Variants in SAMD4A observed in about 807,000 individuals in gnomAD.
The protein encoded by SAMD4A is sterile alpha motif domain containing 4A, also known as protein Smaug homolog 1.
SAMD4A carries 33 observed loss-of-function variants against 81.3 expected under a neutral mutation model. That is an observed-to-expected ratio of 0.41 (90% CI 0.31 to 0.54). SAMD4A has a LOEUF of 0.54. Ranked by LOEUF, SAMD4A falls within the 20% of genes least tolerant of loss-of-function variation. The pLI is 0.37. For missense variants in SAMD4A, 854 were observed against 951.1 expected (o/e 0.90, Z 1.34); for synonymous variants, 389 against 382.1 (o/e 1.02, Z -0.21).
rs11406251 is a variant in SAMD4A at position 54,669,445 on chromosome 14, C to CTTTTTTTT, written c.197-32602_197-32595dup. On this transcript the variant is annotated intron_variant, in intron 2 of 12. Transcript: ENST00000554335. ...TTATTTTTAGAAGCAACGCTTCTTT[C>CTTTTTTTT]TTTTTTTTTTTTTTTTTTTTTTAGA... 8.1e-4 allele frequency among the ~76,000 whole-genome samples: 84 copies of CTTTTTTTT among 103,094 alleles called. 6 individuals carry two copies. The highest frequency in any genetic ancestry group is 1.1e-3 in the East Asian group (4 of 3,514). 67.6% of individuals were successfully genotyped at this position (103,094 alleles called of 152,430 possible).
At chr14:54,644,468 A>G (rs946114214) in intron 2 of SAMD4A, among the ~76,000 whole-genome samples, 1 of 152,208 alleles carries the variant, frequency 6.6e-6, no homozygotes, top group Non-Finnish European at 1.5e-5. Flanking sequence ...CACCTTCACA[A>G]CACTAGTAAG....
Position 54,775,126 on chromosome 14 carries a change from A to C in SAMD4A, c.1908A>C (p.Gln636His), listed in dbSNP as rs753002793. ...NTTATPTIMK[Q>H]GRQNLWFANP... ...CAGCTACCCCCACCATCATGAAACA[A>C]GGAAGACAGGTTTGTTCTGCCCCAA... Residue 636 changes from glutamine to histidine, a missense_variant, in exon 10 of 13, where the codon CAA (glutamine) becomes CAC (histidine). Gln to His is a conservative substitution (Grantham distance 24). This residue lies in a region of SAMD4A where 428 missense variants were observed against 471.2 expected (regional missense o/e 0.91). Coordinates refer to ENST00000554335, the MANE Select transcript of SAMD4A (RefSeq NM_015589.6). 2 of 1,614,218 alleles carry C rather than the reference A, an allele frequency of 1.2e-6. No homozygotes were observed. The highest frequency in any genetic ancestry group is 1.7e-6 in the Non-Finnish European group (2 of 1,180,028).
chr14:54,703,385 T>C (rs4898847), intron 3 of SAMD4A: 129,478 of 152,254 alleles, frequency 0.85, 56,090 homozygotes, highest in East Asian at 0.98. Context: ...AAACACACCA[T>C]TGGTGTCTGT....
intron 3 of SAMD4A, among the ~76,000 whole-genome samples, chr14:54,734,547 G>T (rs1012978214): frequency 6.6e-6 from 1 of 152,208 alleles, no homozygotes; most frequent in African/African-American, 2.4e-5. Flanking sequence ...GCTCAGAAAA[G>T]TATGAAGAAA....
chr14:54,708,588 C>T (rs1201468805), intron 3 of SAMD4A, among the ~76,000 whole-genome samples: 1 of 152,122 alleles, frequency 6.6e-6, no homozygotes, highest in Non-Finnish European at 1.5e-5. Context: ...GCCTGGGCAC[C>T]TCAACCTGAA....
At chr14:54,709,278 A>AAAAC (rs200245981) in intron 3 of SAMD4A, among the ~76,000 whole-genome samples, 6 of 148,706 alleles carry the variant, frequency 4.0e-5, no homozygotes, top group East Asian at 1.9e-4. Flanking sequence ...CTCTGTCTCA[A>AAAAC]AAACAAACAA....
chr14:54,574,527 G>GGGTAGA (rs1282307879), intron 2 of SAMD4A, among the ~76,000 whole-genome samples: 1 of 152,172 alleles, frequency 6.6e-6, no homozygotes, highest in Non-Finnish European at 1.5e-5. Flanking sequence ...GGTAGAGAGA[G>GGGTAGA]GAGAGCATGA....
chr14:54,663,645 C>A (rs1246123019), intron 2 of SAMD4A, among the ~76,000 whole-genome samples: 1 of 152,170 alleles, frequency 6.6e-6, no homozygotes, highest in Non-Finnish European at 1.5e-5. Flanking sequence ...CTCTTCCAAT[C>A]CCTAGAAAGG....
intron 2 of SAMD4A, among the ~76,000 whole-genome samples, chr14:54,657,995 G>T (rs2035560552): frequency 6.6e-6 from 1 of 152,194 alleles, no homozygotes; most frequent in Non-Finnish European, 1.5e-5. Context: ...ACTCCACGAA[G>T]TAGATGTTAG....
At chr14:54,742,669 A>C (rs1004814479) in intron 4 of SAMD4A, among the ~76,000 whole-genome samples, 1 of 152,158 alleles carries the variant, frequency 6.6e-6, no homozygotes, top group Admixed American at 6.5e-5. Flanking sequence ...TCTTGCTGCG[A>C]GCTTCAGCCT....
At chr14:54,710,990 C>T (rs1040340332) in intron 3 of SAMD4A, among the ~76,000 whole-genome samples, 11 of 152,138 alleles carry the variant, frequency 7.2e-5, no homozygotes, top group African/African-American at 2.7e-4. Flanking sequence ...CAGATGTGGC[C>T]TCTGAATCAT....
chr14:54,613,622 G>A (rs564270712), intron 2 of SAMD4A, among the ~76,000 whole-genome samples: 51 of 152,314 alleles, frequency 3.3e-4, no homozygotes, highest in African/African-American at 1.1e-3. Context: ...AGGACGTGAA[G>A]TTAGAAGATG....
intron 2 of SAMD4A, among the ~76,000 whole-genome samples, chr14:54,663,456 C>T (rs1046698656): frequency 2.4e-4 from 37 of 152,184 alleles, no homozygotes; most frequent in African/African-American, 8.7e-4. Context: ...TAAGACACAA[C>T]GTGAACCTTC....
chr14:54,726,333 G>T (rs1451220348), intron 3 of SAMD4A, among the ~76,000 whole-genome samples: 2 of 152,076 alleles, frequency 1.3e-5, no homozygotes, highest in Non-Finnish European at 2.9e-5. Flanking sequence ...GTATCATTTG[G>T]ATTGGAACCC....
intron 2 of SAMD4A, among the ~76,000 whole-genome samples, chr14:54,671,782 G>T (rs1401376981): frequency 6.6e-6 from 1 of 152,196 alleles, no homozygotes; most frequent in Non-Finnish European, 1.5e-5. Flanking sequence ...CAGCAGGCAT[G>T]AAATCAAAGC....
intron 2 of SAMD4A, among the ~76,000 whole-genome samples, chr14:54,653,462 C>T (rs1180244722): frequency 6.6e-6 from 1 of 151,768 alleles, no homozygotes; most frequent in African/African-American, 2.4e-5. Context: ...GCCTCAGCCT[C>T]CTGAGTAGCT....
chr14:54,621,340 A>G (rs2034610031), intron 2 of SAMD4A, among the ~76,000 whole-genome samples: 1 of 152,012 alleles, frequency 6.6e-6, no homozygotes, highest in Non-Finnish European at 1.5e-5. Flanking sequence ...TTCTCAGAAC[A>G]TATTTTGTTT....
chr14:54,669,467 TAGAG>T (rs2035829457), intron 2 of SAMD4A, among the ~76,000 whole-genome samples: 1 of 149,112 alleles, frequency 6.7e-6, no homozygotes, highest in African/African-American at 2.5e-5. Flanking sequence ...TTTTTTTTTT[TAGAG>T]AGAGACAGGA....
At chr14:54,590,377 G>C (rs2033742980) in intron 2 of SAMD4A, among the ~76,000 whole-genome samples, 1 of 152,152 alleles carries the variant, frequency 6.6e-6, no homozygotes, top group East Asian at 1.9e-4. Context: ...TGTAGCCGCA[G>C]CTACTTGAGA....
Sources: gnomAD v4.1 joint callset for allele counts (sites outside exome capture counted in the v4.1 genomes callset) on GRCh38, gnomAD v4.1.1 for gene constraint, gnomAD v4.1.1 regional missense constraint, MANE v1.5 for transcripts, NCBI Gene and HGNC (gene_info 2026-07-23, HGNC 2026-07-21) for gene names.